The following ADAMTS19 variants were observed in gnomAD, a reference collection of about 807,000 sequenced individuals.
ADAMTS19 encodes A disintegrin and metalloproteinase with thrombospondin motifs 19.
In ADAMTS19, 93 loss-of-function variants were observed where a neutral mutation model predicts 153.3. The observed-to-expected ratio is 0.61, with a 90% CI of 0.51 to 0.72. ADAMTS19 has a LOEUF of 0.72. Among genes scored for constraint, ADAMTS19 ranks in the 30% least tolerant of loss-of-function variants. ADAMTS19 has a pLI of 0.00. For missense variants in ADAMTS19, 1,482 were observed against 1,552.1 expected (o/e 0.95, Z 0.76); for synonymous variants, 600 against 556.6 (o/e 1.08, Z -1.10).
At chr5:129,586,084 C>G (rs760642150) in intron 7 of ADAMTS19, among the ~76,000 whole-genome samples, 1 of 152,038 alleles carries the variant, frequency 6.6e-6, no homozygotes. Flanking sequence ...TCTTACACCC[C>G]CTGTCCACAC....
intron 21 of ADAMTS19, among the ~76,000 whole-genome samples, chr5:129,732,713 A>G (rs992609367): frequency 6.6e-6 from 1 of 152,102 alleles, no homozygotes; most frequent in African/African-American, 2.4e-5. Context: ...TATAAGAATC[A>G]ATATCATTAA....
chr5:129,710,856 C>T (rs367741952), intron 21 of ADAMTS19, among the ~76,000 whole-genome samples: 1 of 152,192 alleles, frequency 6.6e-6, no homozygotes, highest in Non-Finnish European at 1.5e-5. Flanking sequence ...TTTGATCATG[C>T]ACCCCTGATG....
At chr5:129,486,558 A>T (rs2126680842) in intron 2 of ADAMTS19, among the ~76,000 whole-genome samples, 1 of 152,274 alleles carries the variant, frequency 6.6e-6, no homozygotes, top group Non-Finnish European at 1.5e-5. Context: ...CAAAACTGTC[A>T]ACAAACTAGG....
intron 7 of ADAMTS19, among the ~76,000 whole-genome samples, chr5:129,557,461 A>G (rs994369789): frequency 6.6e-6 from 1 of 151,978 alleles, no homozygotes; most frequent in Non-Finnish European, 1.5e-5. Flanking sequence ...TTAGCTGGGC[A>G]TGGTGACACG....
intron 21 of ADAMTS19, among the ~76,000 whole-genome samples, chr5:129,729,483 A>C (rs1757346882): frequency 1.3e-5 from 2 of 151,926 alleles, no homozygotes. Context: ...AAAATATTCT[A>C]ATGAAAATTA....
At chr5:129,524,826 G>C (rs1339797943) in intron 3 of ADAMTS19, among the ~76,000 whole-genome samples, 1 of 151,782 alleles carries the variant, frequency 6.6e-6, no homozygotes, top group Non-Finnish European at 1.5e-5. Flanking sequence ...CCATGCCCAG[G>C]CTCTAATTTC....
intron 3 of ADAMTS19, among the ~76,000 whole-genome samples, chr5:129,522,320 C>T (rs553940733): frequency 0.039 from 3,649 of 93,172 alleles, 94 homozygotes; most frequent in South Asian, 0.072. Context: ...TATATATACA[C>T]ACACACACAC....
intron 7 of ADAMTS19, among the ~76,000 whole-genome samples, chr5:129,572,146 T>C (rs1042983190): frequency 8.6e-5 from 13 of 151,836 alleles, no homozygotes; most frequent in African/African-American, 2.9e-4. Flanking sequence ...CTGGATTTCA[T>C]CAATATTAAA....
chr5:129,610,308 A>G (rs1265452450), intron 8 of ADAMTS19, among the ~76,000 whole-genome samples: 2 of 152,064 alleles, frequency 1.3e-5, no homozygotes, highest in South Asian at 4.1e-4. Context: ...TTTTTATCAT[A>G]CTTTAAGTTC....
chr5:129,463,800 A>G (rs1749768754), intron 2 of ADAMTS19, among the ~76,000 whole-genome samples: 1 of 152,182 alleles, frequency 6.6e-6, no homozygotes, highest in Admixed American at 6.5e-5. Flanking sequence ...AAATTGAATG[A>G]TGGGATTAAA....
chr5:129,651,931 T>C (rs1361376625), intron 13 of ADAMTS19, among the ~76,000 whole-genome samples: 1 of 151,224 alleles, frequency 6.6e-6, no homozygotes, highest in Admixed American at 6.7e-5. Flanking sequence ...ATCCTGTCTC[T>C]ACTTCCAACT....
At chr5:129,726,565 A>T (rs1757219813) in intron 21 of ADAMTS19, among the ~76,000 whole-genome samples, 1 of 152,188 alleles carries the variant, frequency 6.6e-6, no homozygotes, top group Non-Finnish European at 1.5e-5. Flanking sequence ...AGAGAGCGCC[A>T]TGGAATCTGA....
chr5:129,477,988 G>C (rs1447485249), intron 2 of ADAMTS19, among the ~76,000 whole-genome samples: 1 of 152,040 alleles, frequency 6.6e-6, no homozygotes, highest in South Asian at 2.1e-4. Context: ...TAGCCTTAGA[G>C]AGTTAAAAAA....
chr5:129,679,873 G>T lies in ADAMTS19; in HGVS notation c.2616G>T (p.Trp872Cys). Residue 872 changes from tryptophan (W) to cysteine (C), a missense_variant, in exon 17 of 23, where the codon TGG (tryptophan) becomes TGT (cysteine). By Grantham distance (215) the Trp-to-Cys change is radical (BLOSUM62 -2). This residue lies in a region of ADAMTS19 where 616 missense variants were observed against 724.4 expected (regional missense o/e 0.85). Coordinates refer to ENST00000274487, the MANE Select transcript of ADAMTS19 (RefSeq NM_133638.6). ...TTVHYVRRGLWEKISAKGPTT... is the reference protein window; with the variant it reads ...TTVHYVRRGLCEKISAKGPTT... ...TTCATTATGTAAGACGAGGCCTCTG[G>T]GAGAAGATCTCTGCCAAAGGTCCTA... 6.2e-7 allele frequency: 1 copy of T among 1,613,982 alleles called. No individual in the cohort carries two copies. Among genetic ancestry groups the T allele is most frequent in the Non-Finnish European group, 8.5e-7 (1 of 1,179,972 alleles).
chr5:129,712,005 T>A (rs1170477989), intron 21 of ADAMTS19, among the ~76,000 whole-genome samples: 1 of 151,826 alleles, frequency 6.6e-6, no homozygotes, highest in African/African-American at 2.4e-5. Flanking sequence ...TTATGTAAAT[T>A]TTTTTTTCTA....
chr5:129,607,791 G>A (rs11745831), intron 8 of ADAMTS19, among the ~76,000 whole-genome samples: 13,013 of 151,768 alleles, frequency 0.086, 629 homozygotes, highest in Middle Eastern at 0.16. Flanking sequence ...GCCAAATCTA[G>A]CAATTGTAGT....
chr5:129,624,145 A>G (rs1314770816), intron 10 of ADAMTS19, among the ~76,000 whole-genome samples: 2 of 150,124 alleles, frequency 1.3e-5, no homozygotes, highest in East Asian at 3.9e-4. Flanking sequence ...AAAAAAAAAA[A>G]AAAAAAAAGG....
chr5:129,487,002 C>T (rs1750620002), intron 2 of ADAMTS19, among the ~76,000 whole-genome samples: 1 of 152,126 alleles, frequency 6.6e-6, no homozygotes, highest in South Asian at 2.1e-4. Context: ...TTTCTGGCAT[C>T]CTCTTACCCC....
intron 2 of ADAMTS19, among the ~76,000 whole-genome samples, chr5:129,478,428 T>G (rs1008113542): frequency 1.3e-5 from 2 of 152,192 alleles, no homozygotes; most frequent in Non-Finnish European, 2.9e-5. Context: ...GCTTTCTATA[T>G]TATGTCAGTG....
Sources: gnomAD v4.1 joint callset for allele counts (sites outside exome capture counted in the v4.1 genomes callset) on GRCh38, gnomAD v4.1.1 for gene constraint, gnomAD v4.1.1 regional missense constraint, MANE v1.5 for transcripts, NCBI Gene and HGNC (gene_info 2026-07-23, HGNC 2026-07-21) for gene names.